PTPRT: variants seen among roughly 807,000 people sequenced by gnomAD.
PTPRT encodes protein tyrosine phosphatase receptor type T, also known as receptor-type tyrosine-protein phosphatase T.
In PTPRT, 56 loss-of-function variants were observed where a neutral mutation model predicts 176.8. The observed-to-expected ratio is 0.32, with a 90% CI of 0.26 to 0.40. PTPRT has a LOEUF of 0.40. Ranked by LOEUF, PTPRT falls within the 10% of genes least tolerant of loss-of-function variation. The probability of loss-of-function intolerance (pLI) is 1.00; values close to 1 mark genes in which losing one functional copy is unlikely to be tolerated. For missense variants in PTPRT, 1,540 were observed against 1,908.2 expected (o/e 0.81, Z 3.60); for synonymous variants, 783 against 739.0 (o/e 1.06, Z -0.96).
At chr20:42,859,250 T>C (rs2145786454) in intron 2 of PTPRT, among the ~76,000 whole-genome samples, 1 of 152,324 alleles carries the variant, frequency 6.6e-6, no homozygotes, top group African/African-American at 2.4e-5. Context: ...ATTTATCTTC[T>C]CATGTTATGA....
chr20:42,106,423 A>C (rs2146264663), intron 24 of PTPRT, among the ~76,000 whole-genome samples: 1 of 152,348 alleles, frequency 6.6e-6, no homozygotes, highest in Admixed American at 6.5e-5. Context: ...CGTAGTGGTC[A>C]CTGAATAAAT....
At chr20:42,681,790 C>T (rs902899246) in intron 6 of PTPRT, among the ~76,000 whole-genome samples, 17 of 152,142 alleles carry the variant, frequency 1.1e-4, no homozygotes, top group Non-Finnish European at 2.2e-4. Context: ...GGGAGCCAGA[C>T]CTAGGTAAGA....
At chr20:43,062,895 T>C (rs1987531773) in intron 1 of PTPRT, among the ~76,000 whole-genome samples, 1 of 152,196 alleles carries the variant, frequency 6.6e-6, no homozygotes, top group Non-Finnish European at 1.5e-5. Flanking sequence ...AAGAGTGTCT[T>C]TCTCAAGGGA....
At chr20:42,991,567 T>C (rs74967346) in intron 1 of PTPRT, among the ~76,000 whole-genome samples, 9,702 of 151,208 alleles carry the variant, frequency 0.064, 344 homozygotes, top group Non-Finnish European at 0.081. Context: ...GGGGGGCAGA[T>C]GGAAATGGGA....
chr20:42,911,976 C>CTTTTTTTTTTT (rs11475084), intron 1 of PTPRT, among the ~76,000 whole-genome samples: 2 of 124,320 alleles, frequency 1.6e-5, no homozygotes, highest in East Asian at 2.3e-4. Context: ...ATCCTCTTTT[C>CTTTTTTTTTTT]TTTTTTTTTT....
At position 42,076,034 on chromosome 20, in the gene PTPRT, C is replaced by T. The variant is rs1444105827; in HGVS notation, c.*4845G>A. ...TTCCTGTTTTCCTGCCTAAAGTGCT[C>T]CAAATCTACCCCTTCTAATGTTGAT... is the stretch of plus-strand genomic sequence containing the variant. On this transcript the variant is annotated 3_prime_UTR_variant, in exon 31 of 31. Transcript: ENST00000373187. The T allele has an allele frequency of 4.5e-6, 1 of 223,066 alleles. No individual in the cohort carries two copies. The highest frequency in any genetic ancestry group is 5.8e-5 in the Admixed American group (1 of 17,382). 13.8% of individuals were successfully genotyped at this position (223,066 alleles called of 1,614,324 possible).
intron 1 of PTPRT, among the ~76,000 whole-genome samples, chr20:43,069,639 C>T (rs2011154518): frequency 2.0e-5 from 3 of 152,212 alleles, no homozygotes; most frequent in East Asian, 1.9e-4. Flanking sequence ...GGGAGGGGGG[C>T]GTTGCTTGAC....
intron 7 of PTPRT, among the ~76,000 whole-genome samples, chr20:42,473,764 C>A (rs1176496401): frequency 6.6e-6 from 1 of 152,198 alleles, no homozygotes; most frequent in African/African-American, 2.4e-5. Context: ...CACCATCCAC[C>A]ATGCCTGGCT....
intron 6 of PTPRT, among the ~76,000 whole-genome samples, chr20:42,692,770 A>G (rs1241508649): frequency 6.6e-6 from 1 of 152,214 alleles, no homozygotes; most frequent in Non-Finnish European, 1.5e-5. Context: ...ATCTCAAATT[A>G]TGATAAAAAT....
chr20:42,485,161 C>A (rs2071446083), intron 7 of PTPRT, among the ~76,000 whole-genome samples: 1 of 152,166 alleles, frequency 6.6e-6, no homozygotes, highest in Admixed American at 6.5e-5. Flanking sequence ...AAAAGAGAAG[C>A]AATTTTGAAA....
At chr20:42,773,014 C>G (rs1408411328) in intron 4 of PTPRT, among the ~76,000 whole-genome samples, 2 of 152,132 alleles carry the variant, frequency 1.3e-5, no homozygotes, top group Non-Finnish European at 2.9e-5. Context: ...CCACTTTAGC[C>G]CCAAACTCAG....
intron 9 of PTPRT, among the ~76,000 whole-genome samples, chr20:42,375,346 A>C (rs1429154484): frequency 6.6e-6 from 1 of 152,140 alleles, no homozygotes; most frequent in Admixed American, 6.5e-5. Flanking sequence ...ACCCTACTGA[A>C]TTCATGTTCA....
At chr20:43,066,261 G>A (rs978925356) in intron 1 of PTPRT, among the ~76,000 whole-genome samples, 3 of 152,090 alleles carry the variant, frequency 2.0e-5, no homozygotes, top group Admixed American at 6.5e-5. Flanking sequence ...GACTTGGCTC[G>A]GTTTTCATCC....
intron 3 of PTPRT, among the ~76,000 whole-genome samples, chr20:42,789,499 T>C (rs1357291567): frequency 1.3e-5 from 2 of 152,188 alleles, no homozygotes; most frequent in Non-Finnish European, 2.9e-5. Context: ...ACCTATAAAA[T>C]GGGTACGTAG....
chr20:43,009,107 G>A (rs1984997218), intron 1 of PTPRT, among the ~76,000 whole-genome samples: 1 of 152,206 alleles, frequency 6.6e-6, no homozygotes, highest in South Asian at 2.1e-4. Flanking sequence ...GACAGGGCAA[G>A]GAGCAATGGG....
intron 17 of PTPRT, among the ~76,000 whole-genome samples, chr20:42,149,692 G>C (rs1989037526): frequency 6.6e-6 from 1 of 152,134 alleles, no homozygotes; most frequent in African/African-American, 2.4e-5. Context: ...CCAAAGTGCT[G>C]GGATTACAGG....
Position 42,875,444 on chromosome 20 carries a change from A to C in PTPRT, c.214+10363T>G, listed in dbSNP as rs1196170354. Among the ~76,000 whole-genome samples, 5 of 152,222 alleles carry C rather than the reference A, an allele frequency of 3.3e-5. No individual in the cohort carries two copies. The South Asian group carries it at 1.0e-3, about 32-fold the overall frequency. Reference sequence around the variant, plus strand: ...CAGGCTAATGTAGTTTCTACAATTAATTTTGTAGCTCCAAGTACACGAAAA... The same window carrying C: ...CAGGCTAATGTAGTTTCTACAATTACTTTTGTAGCTCCAAGTACACGAAAA... On this transcript the variant is annotated intron_variant, in intron 2 of 30. Coordinates refer to ENST00000373187, the MANE Select transcript of PTPRT (RefSeq NM_007050.6).
At chr20:42,695,653 TG>T (rs1340307189) in intron 6 of PTPRT, among the ~76,000 whole-genome samples, 3 of 152,204 alleles carry the variant, frequency 2.0e-5, no homozygotes, top group Non-Finnish European at 4.4e-5. Context: ...AACACAGCAC[TG>T]TCCTTCAGAG....
rs1474186665 is a variant in PTPRT at position 42,617,992 on chromosome 20, T to C, written c.1153+59874A>G. On this transcript the variant is annotated intron_variant, in intron 7 of 30. Transcript: ENST00000373187. ...CTTGCCTTCTGCTAGCTTTTGAATG[T>C]GTTTGCTCTTGCTTTTCTTGTTCTT... Among the ~76,000 whole-genome samples the C allele has an allele frequency of 1.6e-3, 220 of 137,648 alleles. 68 individuals are homozygous for C. The highest frequency in any genetic ancestry group is 6.7e-3 in the African/African-American group (211 of 31,548). 90.3% of individuals were successfully genotyped at this position (137,648 alleles called of 152,430 possible).
Sources: gnomAD v4.1 joint callset for allele counts (sites outside exome capture counted in the v4.1 genomes callset) on GRCh38, gnomAD v4.1.1 for gene constraint, MANE v1.5 for transcripts, NCBI Gene and HGNC (gene_info 2026-07-23, HGNC 2026-07-21) for gene names.